The following SNX30 variants were observed in gnomAD, a reference collection of about 807,000 sequenced individuals.
SNX30 encodes sorting nexin family member 30.
In SNX30, 24 loss-of-function variants were observed where a neutral mutation model predicts 46.4. That is an observed-to-expected ratio of 0.52 (90% CI 0.37 to 0.73). The LOEUF (loss-of-function observed/expected upper bound fraction) is 0.73, where lower values mean the gene tolerates loss of function less well. Among genes scored for constraint, SNX30 ranks in the 30% least tolerant of loss-of-function variants. SNX30 has a pLI of 0.00. For synonymous variants in SNX30, 189 were observed against 211.5 expected, an observed-to-expected ratio of 0.89 and a Z score of 0.92; for missense variants, 533 against 555.7, an observed-to-expected ratio of 0.96 and a Z score of 0.41.
At chr9:112,758,659 A>G (rs1399360815) in intron 1 of SNX30, among the ~76,000 whole-genome samples, 1 of 152,122 alleles carries the variant, frequency 6.6e-6, no homozygotes, top group African/African-American at 2.4e-5. Flanking sequence ...GCCTTTCAAA[A>G]TGCTGAGGTT....
chr9:112,832,491 T>A (rs62576426), intron 4 of SNX30, among the ~76,000 whole-genome samples: 116,318 of 135,368 alleles, frequency 0.86, 49,656 homozygotes, highest in South Asian at 0.89. Context: ...TGTGTGTGTG[T>A]GTGTGAGAGA....
At chr9:112,785,430 C>T (rs999600077) in intron 1 of SNX30, among the ~76,000 whole-genome samples, 2 of 146,810 alleles carry the variant, frequency 1.4e-5, no homozygotes, top group African/African-American at 5.1e-5. Context: ...GTCACCCAGG[C>T]TGGAGTGCAG....
chr9:112,818,827 C>T (rs371849641), intron 3 of SNX30, among the ~76,000 whole-genome samples: 1 of 152,176 alleles, frequency 6.6e-6, no homozygotes, highest in Non-Finnish European at 1.5e-5. Flanking sequence ...AAAAGAGCCA[C>T]GTTGCCAGTA....
intron 1 of SNX30, among the ~76,000 whole-genome samples, chr9:112,793,813 T>TC (rs1454596969): frequency 6.6e-6 from 1 of 151,696 alleles, no homozygotes; most frequent in African/African-American, 2.4e-5. Flanking sequence ...TGTTTTTTTT[T>TC]TTTTCTTTCA....
chr9:112,790,851 C>G (rs1366951841), intron 1 of SNX30, among the ~76,000 whole-genome samples: 6 of 152,182 alleles, frequency 3.9e-5, no homozygotes, highest in African/African-American at 1.4e-4. Flanking sequence ...TGGGAGGAGC[C>G]TGACCTATTG....
chr9:112,879,734 T>A (rs757930338), downstream of SNX30: 1 of 1,605,204 alleles, frequency 6.2e-7, no homozygotes, highest in East Asian at 2.2e-5. Context: ...CCATGGCTGA[T>A]GTTTTCAGTT....
At position 112,836,206 on chromosome 9, in the gene SNX30, A is replaced by G. The variant is rs1160761477; in HGVS notation, c.619-8A>G. 4 of 1,584,298 alleles carry G rather than the reference A, an allele frequency of 2.5e-6. No homozygotes were observed. Among genetic ancestry groups the G allele is most frequent in the Non-Finnish European group, 2.6e-6 (3 of 1,155,790 alleles). On this transcript the variant is annotated splice_polypyrimidine_tract_variant and splice_region_variant and intron_variant, in intron 4 of 8. Coordinates refer to ENST00000374232, the MANE Select transcript of SNX30 (RefSeq NM_001012994.2). The stretch of plus-strand genomic sequence containing the variant: ...AGTGCTTTGAGCTTATTCACATATC[A>G]TCCTCAGGACCTGAACGCCTACAAG...
chr9:112,863,991 G>A (rs1284842284), intron 7 of SNX30, among the ~76,000 whole-genome samples: 1 of 152,248 alleles, frequency 6.6e-6, no homozygotes, highest in Non-Finnish European at 1.5e-5. Flanking sequence ...GTGTAAATGG[G>A]GGTGTTTCCC....
At chr9:112,845,746 A>G (rs1840931791) in intron 6 of SNX30, among the ~76,000 whole-genome samples, 1 of 152,224 alleles carries the variant, frequency 6.6e-6, no homozygotes, top group Non-Finnish European at 1.5e-5. Context: ...TGGTCCCTCA[A>G]TGAAAGGACC....
At chr9:112,818,441 G>A (rs1840439789) in intron 3 of SNX30, among the ~76,000 whole-genome samples, 1 of 152,174 alleles carries the variant, frequency 6.6e-6, no homozygotes, top group South Asian at 2.1e-4. Flanking sequence ...TATTGGCCAG[G>A]CTGGTCTCGA....
At chr9:112,809,372 G>A (rs540928416) in intron 2 of SNX30, among the ~76,000 whole-genome samples, 72 of 152,110 alleles carry the variant, frequency 4.7e-4, no homozygotes, top group African/African-American at 1.6e-3. Flanking sequence ...GAGCCACTGC[G>A]CCTGGCCCAA....
At chr9:112,875,155 T>A (rs1007354341), downstream of SNX30, 5 of 152,190 alleles carry the variant, frequency 3.3e-5, no homozygotes, top group Non-Finnish European at 7.4e-5. Context: ...TTATTCTTCT[T>A]CACTTCTTTA....
At chr9:112,809,564 T>TAA (rs34041084) in intron 2 of SNX30, among the ~76,000 whole-genome samples, 24 of 145,384 alleles carry the variant, frequency 1.7e-4, no homozygotes, top group East Asian at 7.9e-4. Flanking sequence ...CAGTGGTGTG[T>TAA]AAAAAAAAAA....
chr9:112,819,600 A>G (rs1423833131), intron 3 of SNX30, among the ~76,000 whole-genome samples: 2 of 152,002 alleles, frequency 1.3e-5, no homozygotes, highest in East Asian at 3.9e-4. Context: ...GATCCTACCC[A>G]GGATCCCACA....
chr9:112,825,622 G>T (rs1840568886), intron 3 of SNX30, among the ~76,000 whole-genome samples: 1 of 151,268 alleles, frequency 6.6e-6, no homozygotes, highest in Non-Finnish European at 1.5e-5. Flanking sequence ...AGACATTTTG[G>T]CCTAAACGTT....
intron 1 of SNX30, among the ~76,000 whole-genome samples, chr9:112,778,703 GT>G (rs1340401922): frequency 3.9e-5 from 6 of 152,200 alleles, no homozygotes; most frequent in Admixed American, 6.5e-5. Context: ...CAGAGATATA[GT>G]TAGGACCTTC....
At chr9:112,812,067 G>A (rs1435941427) in intron 2 of SNX30, among the ~76,000 whole-genome samples, 1 of 152,098 alleles carries the variant, frequency 6.6e-6, no homozygotes, top group East Asian at 1.9e-4. Context: ...TTCATTGTGA[G>A]TGTGTTTTGC....
chr9:112,776,304 G>A (rs1457436911), intron 1 of SNX30, among the ~76,000 whole-genome samples: 1 of 152,010 alleles, frequency 6.6e-6, no homozygotes, highest in Non-Finnish European at 1.5e-5. Flanking sequence ...GAATTCCTTG[G>A]TTTGATGTTC....
intron 7 of SNX30, among the ~76,000 whole-genome samples, chr9:112,858,437 C>G (rs2131496191): frequency 6.6e-6 from 1 of 152,284 alleles, no homozygotes. Flanking sequence ...ATCGCTTGAA[C>G]TTGGGAGATT....
Sources: gnomAD v4.1 joint callset for allele counts (sites outside exome capture counted in the v4.1 genomes callset) on GRCh38, gnomAD v4.1.1 for gene constraint, MANE v1.5 for transcripts, NCBI Gene and HGNC (gene_info 2026-07-23, HGNC 2026-07-21) for gene names.